The following MACROD2 variants were observed in gnomAD, a reference collection of about 807,000 sequenced individuals.
The protein encoded by MACROD2 is ADP-ribose glycohydrolase MACROD2.
In MACROD2, 36 loss-of-function variants were observed where a neutral mutation model predicts 70.4. The ratio of observed to expected loss-of-function variants is 0.51; its 90% CI spans 0.39 to 0.68. The LOEUF (loss-of-function observed/expected upper bound fraction) is 0.68. MACROD2 is among the 30% of genes least tolerant of loss of function. The pLI is 0.00. For synonymous variants in MACROD2, 172 were observed against 178.8 expected (o/e 0.96, Z 0.30); for missense variants, 496 against 538.4 (o/e 0.92, Z 0.78).
chr20:15,681,208 T>C (rs940451138), intron 8 of MACROD2, among the ~76,000 whole-genome samples: 4 of 152,218 alleles, frequency 2.6e-5, no homozygotes, highest in Non-Finnish European at 5.9e-5. Context: ...AAGTTTGACT[T>C]CAAGATGGCT....
intron 5 of MACROD2, among the ~76,000 whole-genome samples, chr20:14,987,730 C>G (rs1009441730): frequency 6.6e-6 from 1 of 152,052 alleles, no homozygotes; most frequent in Non-Finnish European, 1.5e-5. Context: ...AACAGCTTGT[C>G]CAATATGTAT....
At chr20:14,255,336 A>G (rs1030290419) in intron 3 of MACROD2, among the ~76,000 whole-genome samples, 5 of 152,110 alleles carry the variant, frequency 3.3e-5, no homozygotes, top group Non-Finnish European at 7.4e-5. Context: ...CATATATACC[A>G]TGGAATACTA....
rs1252811967 is a variant in MACROD2, at chr20:14,016,869, A to T, written c.163+14465A>T. Among the ~76,000 whole-genome samples, 3 of 151,832 alleles carry T rather than the reference A, an allele frequency of 2.0e-5. No individual in the cohort carries two copies. In the East Asian group the frequency reaches 5.8e-4, roughly 29 times the overall value. ...CTTGAGATTCCAAATGAATTTTAGG[A>T]TTTTTTTTCCCCACAAAAAATACTG... is the stretch of plus-strand genomic sequence containing the variant. On this transcript the variant is annotated intron_variant, in intron 2 of 17. Transcript: ENST00000684519.
intron 3 of MACROD2, among the ~76,000 whole-genome samples, chr20:14,314,298 T>C (rs915298817): frequency 4.6e-5 from 7 of 152,202 alleles, no homozygotes; most frequent in Non-Finnish European, 7.3e-5. Context: ...AATATGGCTT[T>C]GTTAGCATTT....
chr20:15,192,219 A>T (rs1301980348), intron 5 of MACROD2, among the ~76,000 whole-genome samples: 1 of 151,426 alleles, frequency 6.6e-6, no homozygotes, highest in African/African-American at 2.4e-5. Context: ...CTTTCTGTTC[A>T]TAACTCTCAT....
intron 3 of MACROD2, among the ~76,000 whole-genome samples, chr20:14,486,550 A>G (rs1158910664): frequency 5.1e-5 from 5 of 98,472 alleles, no homozygotes; most frequent in African/African-American, 7.9e-5. Context: ...ACAGAGTTTC[A>G]TTCTTGTCGC....
intron 3 of MACROD2, among the ~76,000 whole-genome samples, chr20:14,335,575 C>T (rs1229169639): frequency 6.6e-6 from 1 of 152,050 alleles, no homozygotes; most frequent in African/African-American, 2.4e-5. Flanking sequence ...ATCTCACAAA[C>T]GTTATGTTTG....
chr20:15,378,843 A>G (rs538162660), intron 6 of MACROD2, among the ~76,000 whole-genome samples: 20 of 152,220 alleles, frequency 1.3e-4, no homozygotes, highest in Non-Finnish European at 2.6e-4. Flanking sequence ...CTGGAAGACT[A>G]CCAGTACTCA....
intron 5 of MACROD2, among the ~76,000 whole-genome samples, chr20:15,115,942 G>A (rs773410771): frequency 7.9e-5 from 12 of 151,948 alleles, no homozygotes; most frequent in Non-Finnish European, 1.6e-4. Flanking sequence ...TTCCTGGCTG[G>A]AAACATCAAA....
At chr20:15,594,240 T>G (rs1486331579) in intron 8 of MACROD2, among the ~76,000 whole-genome samples, 1 of 152,206 alleles carries the variant, frequency 6.6e-6, no homozygotes, top group African/African-American at 2.4e-5. Flanking sequence ...TCCTTTTTTC[T>G]TTTTTCCCTT....
chr20:14,187,489 T>G (rs2081354506), intron 3 of MACROD2, among the ~76,000 whole-genome samples: 1 of 152,190 alleles, frequency 6.6e-6, no homozygotes, highest in South Asian at 2.1e-4. Context: ...GTTACAGTCT[T>G]CTAGGTGTTA....
In MACROD2 at chr20:15,811,961, G is replaced by T. The variant is rs140045979; in HGVS notation, c.646-50784G>T. 2.8e-3 allele frequency among the ~76,000 whole-genome samples: 427 copies of T among 152,308 alleles called. 1 individual carries two copies. The highest frequency in any genetic ancestry group is 9.3e-3 in the African/African-American group (388 of 41,564). On this transcript the variant is annotated intron_variant, in intron 8 of 17. Coordinates refer to ENST00000684519, the MANE Select transcript of MACROD2 (RefSeq NM_001351661.2). ...AGTCAAGCTGCAGTAAGAAGTGGGA[G>T]TAATGCTGAGACCTGAGGACAGGTA...
chr20:15,148,145 G>T, intron 5 of MACROD2, among the ~76,000 whole-genome samples: 1 of 151,940 alleles, frequency 6.6e-6, no homozygotes, highest in Middle Eastern at 3.4e-3. Context: ...GAGAATGGGC[G>T]ATGTTTCTCA....
intron 10 of MACROD2, among the ~76,000 whole-genome samples, chr20:15,931,752 A>G (rs1224646413): frequency 6.6e-6 from 1 of 152,036 alleles, no homozygotes; most frequent in East Asian, 1.9e-4. Flanking sequence ...TTCTTCGCCA[A>G]CCTCAGAGTA....
chr20:14,862,620 T>TATATAA (rs2073374992), intron 5 of MACROD2, among the ~76,000 whole-genome samples: 1 of 17,678 alleles, frequency 5.7e-5, no homozygotes, highest in African/African-American at 1.9e-4. Flanking sequence ...TATATAAATA[T>TATATAA]ATATATATAA....
intron 3 of MACROD2, among the ~76,000 whole-genome samples, chr20:14,267,091 A>G (rs957850720): frequency 6.6e-6 from 1 of 152,154 alleles, no homozygotes; most frequent in African/African-American, 2.4e-5. Flanking sequence ...AGTAGATACT[A>G]CATTAGATTA....
At chr20:14,834,438 A>G (rs1166194221) in intron 5 of MACROD2, among the ~76,000 whole-genome samples, 1 of 152,002 alleles carries the variant, frequency 6.6e-6, no homozygotes, top group African/African-American at 2.4e-5. Flanking sequence ...GACTGCAATG[A>G]TAGTGAAAGA....
intron 4 of MACROD2, among the ~76,000 whole-genome samples, chr20:14,579,181 C>CCGGACTG (rs1245844517): frequency 2.2e-5 from 3 of 136,362 alleles, no homozygotes; most frequent in Non-Finnish European, 4.6e-5. Flanking sequence ...GTCGCCCAGG[C>CCGGACTG]CGGACTGCGG....
chr20:14,836,213 G>A (rs2073028528), intron 5 of MACROD2, among the ~76,000 whole-genome samples: 1 of 152,098 alleles, frequency 6.6e-6, no homozygotes, highest in African/African-American at 2.4e-5. Flanking sequence ...TTCTACTGCA[G>A]AGGAGGCTTT....
Sources: gnomAD v4.1 joint callset for allele counts (sites outside exome capture counted in the v4.1 genomes callset) on GRCh38, gnomAD v4.1.1 for gene constraint, MANE v1.5 for transcripts, NCBI Gene and HGNC (gene_info 2026-07-23, HGNC 2026-07-21) for gene names.